Variants in PRUNE2 observed in about 807,000 individuals in gnomAD.
PRUNE2 encodes the protein prune homolog 2 with BCH domain.
In PRUNE2, 164 loss-of-function variants were observed where a neutral mutation model predicts 252.0. That is an observed-to-expected ratio of 0.65 (90% CI 0.57 to 0.74). The LOEUF (loss-of-function observed/expected upper bound fraction) is 0.74, where lower values mean the gene tolerates loss of function less well. PRUNE2 is among the 30% of genes least tolerant of loss of function. PRUNE2 has a pLI of 0.00. For missense variants in PRUNE2, 3,495 were observed against 3,711.0 expected (o/e 0.94, Z 1.51); for synonymous variants, 1,292 against 1,350.2 (o/e 0.96, Z 0.94).
At chr9:76,837,227 A>T (rs1014044774) in intron 4 of PRUNE2, among the ~76,000 whole-genome samples, 1 of 152,080 alleles carries the variant, frequency 6.6e-6, no homozygotes, top group Non-Finnish European at 1.5e-5. Context: ...GCGGATCACA[A>T]GGTGAAGCGA....
intron 6 of PRUNE2, among the ~76,000 whole-genome samples, chr9:76,807,853 A>G (rs2057081062): frequency 3.3e-5 from 5 of 152,204 alleles, no homozygotes. Flanking sequence ...TCGAGCACAT[A>G]CTGATGTCTG....
At chr9:76,719,749 G>A (rs1247946194) in intron 6 of PRUNE2, among the ~76,000 whole-genome samples, 6 of 151,906 alleles carry the variant, frequency 3.9e-5, no homozygotes, top group Non-Finnish European at 4.4e-5. Context: ...CTAGGCTCAA[G>A]CTGTTCTCCC....
At chr9:76,645,660 C>A (rs531085183) in intron 11 of PRUNE2, among the ~76,000 whole-genome samples, 5 of 151,936 alleles carry the variant, frequency 3.3e-5, no homozygotes, top group African/African-American at 9.7e-5. Context: ...AAAAAGTAAC[C>A]ATTTTTATTA....
rs192676398 is a variant in PRUNE2, at chr9:76,863,707, C to A, written c.37-9499G>T. On this transcript the variant is annotated intron_variant, in intron 1 of 18. Coordinates refer to ENST00000376718, the MANE Select transcript of PRUNE2 (RefSeq NM_015225.3). ...CCTACTTTGCTTCCTGAAAATGTTG[C>A]AACAATACACTTCAGACTGAGCTAA... is the stretch of plus-strand genomic sequence containing the variant. Among the ~76,000 whole-genome samples the A allele has an allele frequency of 5.3e-4, 81 of 152,288 alleles. 1 individual carries two copies. The highest frequency in any genetic ancestry group is 1.9e-3 in the African/African-American group (79 of 41,548).
chr9:76,881,110 G>GAC (rs2061754712), intron 1 of PRUNE2, among the ~76,000 whole-genome samples: 12 of 152,170 alleles, frequency 7.9e-5, no homozygotes, highest in Non-Finnish European at 1.6e-4. Context: ...TGGGACTACA[G>GAC]GCGTGCGCCA....
chr9:76,895,031 T>TA (rs891816394), intron 1 of PRUNE2, among the ~76,000 whole-genome samples: 255 of 144,610 alleles, frequency 1.8e-3, no homozygotes, highest in African/African-American at 4.8e-3. Flanking sequence ...TCTCAAAAAA[T>TA]AAAAAAAAGG....
rs984074953 is a variant in PRUNE2, at chr9:76,614,660, T to C, written c.9237-60A>G. The C allele has an allele frequency of 3.8e-6, 5 of 1,302,730 alleles. No individual in the cohort carries two copies. In the African/African-American group the frequency reaches 5.8e-5, roughly 15 times the overall value. 80.7% of individuals were successfully genotyped at this position (1,302,730 alleles called of 1,614,324 possible). A position where few individuals can be genotyped will look rare whatever the true frequency, so the allele number is the denominator to read the frequency against. The stretch of plus-strand genomic sequence containing the variant: ...AAACCAAATGAGAGACATTTAGTAA[T>C]GATTTGGGTAGCACTGTGTTTGCTT... On this transcript the variant is annotated intron_variant, in intron 18 of 18. Coordinates refer to ENST00000376718, the MANE Select transcript of PRUNE2 (RefSeq NM_015225.3).
chr9:76,823,360 T>A (rs1432071971), intron 6 of PRUNE2: 7 of 386,174 alleles, frequency 1.8e-5, no homozygotes, highest in African/African-American at 4.0e-5. Flanking sequence ...ACAGGTTAAA[T>A]ATACACCCAC....
intron 6 of PRUNE2, among the ~76,000 whole-genome samples, chr9:76,746,698 C>T (rs1382211548): frequency 1.9e-5 from 2 of 104,398 alleles, no homozygotes; most frequent in African/African-American, 7.7e-5. Context: ...GGCAACAGAG[C>T]GAGACTCCGT....
intron 6 of PRUNE2, among the ~76,000 whole-genome samples, chr9:76,734,486 G>A (rs951985857): frequency 2.4e-4 from 37 of 152,216 alleles, no homozygotes; most frequent in Non-Finnish European, 4.3e-4. Context: ...ACTTAACCTC[G>A]AAGCCTTGGT....
chr9:76,798,637 A>G lies in PRUNE2; in HGVS notation c.756+24995T>C, dbSNP rs1188363809. On this transcript the variant is annotated intron_variant, in intron 6 of 18. Coordinates refer to ENST00000376718, the MANE Select transcript of PRUNE2 (RefSeq NM_015225.3). ...TAAAGTCATTTTTGAAGTGATTGCC[A>G]TGAAAAAAAAATGCTAAAAATTAAA... Among the ~76,000 whole-genome samples, 5 of 147,992 alleles carry G rather than the reference A, an allele frequency of 3.4e-5. 1 individual carries two copies. The highest frequency in any genetic ancestry group is 2.7e-4 in the Admixed American group (4 of 15,060).
Position 76,704,988 on chromosome 9 carries a change from A to C in PRUNE2, c.7286T>G (p.Ile2429Arg), listed in dbSNP as rs761501258. The change falls in exon 8 of 19, where the codon ATA becomes AGA. Residue 2429 changes from isoleucine to arginine, a missense_variant. Ile to Arg is a moderately conservative substitution (Grantham distance 97). Coordinates refer to ENST00000376718, the MANE Select transcript of PRUNE2 (RefSeq NM_015225.3). ...DESLGCRAAE[I>R]VLSALPDRRS... The stretch of plus-strand genomic sequence containing the variant: ...TCGATCAGGAAGTGCAGAAAGCACT[A>C]TCTCTGCTGCTCTGCATCCCAGAGA... 1.2e-6 allele frequency: 2 copies of C among 1,613,798 alleles called. No individual in the cohort carries two copies. Among genetic ancestry groups the C allele is most frequent in the Non-Finnish European group, 1.7e-6 (2 of 1,179,786 alleles).
intron 9 of PRUNE2, among the ~76,000 whole-genome samples, chr9:76,680,920 G>A (rs975949110): frequency 1.4e-4 from 21 of 152,146 alleles, no homozygotes; most frequent in African/African-American, 3.9e-4. Flanking sequence ...GAACAGCAGC[G>A]GGAAGTCTGC....
At chr9:76,893,843 G>A (rs1002359680) in intron 1 of PRUNE2, among the ~76,000 whole-genome samples, 1 of 152,166 alleles carries the variant, frequency 6.6e-6, no homozygotes, top group Non-Finnish European at 1.5e-5. Flanking sequence ...CTGGAGCCAA[G>A]AGTAATGACA....
chr9:76,787,290 A>G (rs923588885), intron 6 of PRUNE2: 10 of 147,630 alleles, frequency 6.8e-5, no homozygotes, highest in Admixed American at 5.3e-4. Flanking sequence ...TTCTTTTACT[A>G]CTATATTACG....
intron 6 of PRUNE2, among the ~76,000 whole-genome samples, chr9:76,776,893 T>TAC (rs541232508): frequency 0.12 from 14,329 of 115,062 alleles, 991 homozygotes; most frequent in Admixed American, 0.17. Flanking sequence ...CCAAAACACA[T>TAC]ACACACACAC....
intron 6 of PRUNE2, among the ~76,000 whole-genome samples, chr9:76,776,299 C>T (rs577974175): frequency 6.6e-6 from 1 of 152,064 alleles, no homozygotes; most frequent in Non-Finnish European, 1.5e-5. Flanking sequence ...CGCCTTCCCA[C>T]CTTTTGGACT....
At chr9:76,734,563 G>T (rs955216249) in intron 6 of PRUNE2, among the ~76,000 whole-genome samples, 3 of 152,152 alleles carry the variant, frequency 2.0e-5, no homozygotes, top group African/African-American at 7.2e-5. Flanking sequence ...AAATGAGATA[G>T]TTCATATAAA....
At chr9:76,835,717 G>C (rs1050867103) in intron 4 of PRUNE2, among the ~76,000 whole-genome samples, 1 of 152,138 alleles carries the variant, frequency 6.6e-6, no homozygotes, top group Non-Finnish European at 1.5e-5. Context: ...TTTCAGGAGA[G>C]AGATGATTCA....
Sources: gnomAD v4.1 joint callset for allele counts (sites outside exome capture counted in the v4.1 genomes callset) on GRCh38, gnomAD v4.1.1 for gene constraint, MANE v1.5 for transcripts, NCBI Gene and HGNC (gene_info 2026-07-23, HGNC 2026-07-21) for gene names.